Variants in FGF14 observed in about 807,000 individuals in gnomAD.
FGF14 encodes fibroblast growth factor 14.
Under a neutral mutation model 25.5 loss-of-function variants are expected in FGF14, and 5 were observed. That is an observed-to-expected ratio of 0.20 (90% CI 0.10 to 0.41). The LOEUF is 0.41. Ranked by LOEUF, FGF14 falls within the 10% of genes least tolerant of loss-of-function variation. FGF14 has a pLI of 1.00. For synonymous variants in FGF14, 138 were observed against 118.3 expected, an observed-to-expected ratio of 1.17 and a Z score of -1.08; for missense variants, 222 against 320.1, an observed-to-expected ratio of 0.69 and a Z score of 2.34.
intron 1 of FGF14, among the ~76,000 whole-genome samples, chr13:102,274,114 T>C (rs2141174688): frequency 6.6e-6 from 1 of 152,290 alleles, no homozygotes; most frequent in South Asian, 2.1e-4. Flanking sequence ...TGCTGGCACG[T>C]AGCAAATGTT....
At chr13:102,327,383 T>C (rs1478682787) in intron 1 of FGF14, among the ~76,000 whole-genome samples, 1 of 152,216 alleles carries the variant, frequency 6.6e-6, no homozygotes, top group East Asian at 1.9e-4. Flanking sequence ...TCGCATAAGC[T>C]TACACCAATA....
chr13:102,055,607 GT>G (rs1203565800), intron 1 of FGF14, among the ~76,000 whole-genome samples: 2 of 152,140 alleles, frequency 1.3e-5, no homozygotes, highest in Non-Finnish European at 2.9e-5. Flanking sequence ...CTTCAGCATA[GT>G]AATACCACAC....
chr13:101,880,543 C>A (rs59183111), intron 1 of FGF14, among the ~76,000 whole-genome samples: 1 of 152,146 alleles, frequency 6.6e-6, no homozygotes, highest in East Asian at 1.9e-4. Context: ...CTAGCCTGGG[C>A]AACAAGAGCA....
intron 1 of FGF14, among the ~76,000 whole-genome samples, chr13:102,231,859 A>C (rs145397361): frequency 6.6e-6 from 1 of 152,290 alleles, no homozygotes; most frequent in East Asian, 1.9e-4. Context: ...GTAATTCCCA[A>C]CTCACAGGGT....
chr13:102,220,626 G>A (rs550509291), intron 1 of FGF14, among the ~76,000 whole-genome samples: 7 of 152,278 alleles, frequency 4.6e-5, no homozygotes, highest in African/African-American at 1.7e-4. Context: ...TCACGTTCTT[G>A]CTTTAAAATA....
intron 1 of FGF14, among the ~76,000 whole-genome samples, chr13:102,226,385 GCT>G (rs1258893694): frequency 5.9e-5 from 9 of 152,120 alleles, no homozygotes; most frequent in Non-Finnish European, 1.2e-4. Context: ...AGCTAGCTAT[GCT>G]AATTTTAAAG....
At chr13:101,843,755 A>AT (rs1200653905) in intron 3 of FGF14, among the ~76,000 whole-genome samples, 5 of 151,916 alleles carry the variant, frequency 3.3e-5, no homozygotes, top group Middle Eastern at 3.2e-3. Context: ...ATGAATAGAA[A>AT]TTTTCCTGAC....
intron 1 of FGF14, among the ~76,000 whole-genome samples, chr13:102,194,033 C>T (rs1420563361): frequency 6.6e-6 from 1 of 151,916 alleles, no homozygotes. Flanking sequence ...ACCATGAATA[C>T]ACATTTAAAG....
intron 1 of FGF14, among the ~76,000 whole-genome samples, chr13:102,038,675 C>T (rs188243248): frequency 3.3e-5 from 5 of 152,130 alleles, no homozygotes; most frequent in Admixed American, 1.3e-4. Context: ...TGGATTTCTA[C>T]CCCCCACTGT....
At chr13:101,812,389 A>G (rs541678842) in intron 3 of FGF14, among the ~76,000 whole-genome samples, 2 of 151,626 alleles carry the variant, frequency 1.3e-5, no homozygotes, top group Non-Finnish European at 2.9e-5. Context: ...ATCATATTAA[A>G]CCTCAGCATT....
At position 101,711,423 on chromosome 13, in the gene FGF14, G is replaced by T. The variant is rs71441523; in HGVS notation, c.*11408C>A. On this transcript the variant is annotated 3_prime_UTR_variant, in exon 5 of 5. Transcript: ENST00000376143. ...TCCCCAGAAAAGAGAAAGAGTGAAA[G>T]ATGCTTCACAAAATCGGCCTCAGCC... 0.16 allele frequency: 24,611 copies of T among 152,322 alleles called. 2,382 individuals carry two copies. The highest frequency in any genetic ancestry group is 0.22 in the Non-Finnish European group (15,244 of 68,046). The allele number at this position is 152,322 out of a possible 1,614,324, so 9.4% of individuals were successfully genotyped here.
At chr13:101,850,501 TATA>T (rs2043749458) in intron 3 of FGF14, among the ~76,000 whole-genome samples, 19 of 7,480 alleles carry the variant, frequency 2.5e-3, no homozygotes, top group African/African-American at 6.4e-3. Flanking sequence ...TATATATATA[TATA>T]TATATATATA....
intron 3 of FGF14, among the ~76,000 whole-genome samples, chr13:101,807,383 T>C (rs9513957): frequency 0.88 from 133,486 of 152,048 alleles, 58,854 homozygotes; most frequent in Non-Finnish European, 0.92. Flanking sequence ...TCAATGGCCC[T>C]ATAACATTAT....
At chr13:102,394,404 TC>T in intron 1 of FGF14, 1 of 152,530 alleles carries the variant, frequency 6.6e-6, no homozygotes, top group Non-Finnish European at 1.5e-5. Context: ...CACTGCCCGG[TC>T]CCCGGCCACC....
At chr13:101,868,474 G>A (rs1054899991) in intron 3 of FGF14, 7 of 418,490 alleles carry the variant, frequency 1.7e-5, no homozygotes, top group Admixed American at 3.6e-5. Flanking sequence ...TTAGATTCAC[G>A]TGTATACTAG....
intron 1 of FGF14, among the ~76,000 whole-genome samples, chr13:101,922,455 T>G (rs2034068365): frequency 6.6e-6 from 1 of 152,158 alleles, no homozygotes. Flanking sequence ...CTTCTGGTAT[T>G]TGTGATTCAC....
intron 3 of FGF14, among the ~76,000 whole-genome samples, chr13:101,861,678 C>A (rs936087411): frequency 2.0e-5 from 3 of 151,950 alleles, no homozygotes; most frequent in African/African-American, 7.2e-5. Context: ...GCATGCCTCA[C>A]CTAAAGGCAT....
At chr13:102,125,594 GA>G (rs1260103021) in intron 1 of FGF14, among the ~76,000 whole-genome samples, 4 of 152,124 alleles carry the variant, frequency 2.6e-5, no homozygotes, top group Non-Finnish European at 4.4e-5. Flanking sequence ...GGGGATATGG[GA>G]TGAAATATTC....
intron 1 of FGF14, among the ~76,000 whole-genome samples, chr13:102,338,404 G>C (rs1282877955): frequency 1.3e-5 from 2 of 152,342 alleles, no homozygotes; most frequent in African/African-American, 4.8e-5. Flanking sequence ...TCTGGAGAGA[G>C]TGGGGGAAAA....
Sources: allele counts gnomAD v4.1 joint callset (sites outside exome capture counted in the v4.1 genomes callset), GRCh38; gene constraint gnomAD v4.1.1; transcripts MANE v1.5; gene names NCBI Gene and HGNC (gene_info 2026-07-23, HGNC 2026-07-21).